Variants in GRIP1 observed in about 807,000 individuals in gnomAD.
The protein encoded by GRIP1 is glutamate receptor-interacting protein 1.
In GRIP1, 45 loss-of-function variants were observed where a neutral mutation model predicts 129.9. The ratio of observed to expected loss-of-function variants is 0.35; its 90% confidence interval spans 0.27 to 0.44. The LOEUF is 0.44. Among genes scored for constraint, GRIP1 ranks in the 20% least tolerant of loss-of-function variants. The pLI, the probability that GRIP1 is intolerant of heterozygous loss-of-function variation, is 1.00. For missense variants in GRIP1, 1,196 were observed against 1,396.8 expected, an observed-to-expected ratio of 0.86 and a Z score of 2.29; for synonymous variants, 530 against 520.8, an observed-to-expected ratio of 1.02 and a Z score of -0.24.
In GRIP1 at chr12:66,348,267, A is replaced by G. The variant is rs889589974; in HGVS notation, c.*752T>C. 1.3e-5 allele frequency: 2 copies of G among 152,098 alleles called. No individual in the cohort carries two copies. Among genetic ancestry groups the G allele is most frequent in the Middle Eastern group, 3.4e-3 (1 of 294 alleles). 9.4% of individuals were successfully genotyped at this position (152,098 alleles called of 1,614,324 possible). On this transcript the variant is annotated 3_prime_UTR_variant, in exon 25 of 25. Coordinates refer to ENST00000359742, the MANE Select transcript of GRIP1 (RefSeq NM_001366722.1). ...TCTTGAATTTTAAAAATAAGATAAT[A>G]TAACTAATTCTCATGTTTACTACAC...
intron 1 of GRIP1, among the ~76,000 whole-genome samples, chr12:66,998,720 C>T (rs1480330864): frequency 3.3e-5 from 5 of 152,130 alleles, no homozygotes; most frequent in Non-Finnish European, 7.4e-5. Context: ...GTCTTCTCTC[C>T]TTACAAGTTA....
At chr12:66,687,471 T>C (rs2034825566) in intron 1 of GRIP1, among the ~76,000 whole-genome samples, 1 of 152,108 alleles carries the variant, frequency 6.6e-6, no homozygotes, top group Non-Finnish European at 1.5e-5. Flanking sequence ...TGTTTCATCT[T>C]GGGTAAAAGT....
intron 16 of GRIP1, among the ~76,000 whole-genome samples, chr12:66,400,776 G>A (rs2056959151): frequency 6.6e-6 from 1 of 152,132 alleles, no homozygotes; most frequent in Admixed American, 6.5e-5. Flanking sequence ...GCCGACTTTT[G>A]AAAACTATAT....
intron 1 of GRIP1, among the ~76,000 whole-genome samples, chr12:66,784,788 C>T (rs1388805520): frequency 6.6e-6 from 1 of 151,886 alleles, no homozygotes; most frequent in Non-Finnish European, 1.5e-5. Flanking sequence ...TACCTCCAAC[C>T]TCCTCTCTGT....
chr12:67,040,602 C>G (rs1246647426), intron 1 of GRIP1, among the ~76,000 whole-genome samples: 1 of 152,130 alleles, frequency 6.6e-6, no homozygotes, highest in African/African-American at 2.4e-5. Flanking sequence ...GAATCCCAGC[C>G]CCACACTTCC....
At chr12:66,460,067 C>T (rs936573079) in intron 9 of GRIP1, among the ~76,000 whole-genome samples, 4 of 152,128 alleles carry the variant, frequency 2.6e-5, no homozygotes, top group Non-Finnish European at 5.9e-5. Context: ...ATTATGACCC[C>T]CATTTTACAG....
intron 2 of GRIP1, among the ~76,000 whole-genome samples, chr12:66,585,037 T>A (rs2063564549): frequency 6.6e-6 from 1 of 152,118 alleles, no homozygotes; most frequent in South Asian, 2.1e-4. Context: ...CCTCTTTTGT[T>A]TTTTTATATT....
intron 1 of GRIP1, among the ~76,000 whole-genome samples, chr12:66,884,959 C>T: frequency 6.6e-6 from 1 of 152,162 alleles, no homozygotes; most frequent in East Asian, 1.9e-4. Flanking sequence ...AGAACTGTTT[C>T]TATAAGGACT....
chr12:66,985,613 G>C (rs957143230), intron 1 of GRIP1, among the ~76,000 whole-genome samples: 1 of 152,132 alleles, frequency 6.6e-6, no homozygotes, highest in African/African-American at 2.4e-5. Context: ...ATTGGGAACA[G>C]TTAGAGAAAT....
At chr12:66,789,082 G>A (rs2038447689) in intron 1 of GRIP1, among the ~76,000 whole-genome samples, 2 of 152,110 alleles carry the variant, frequency 1.3e-5, no homozygotes, top group Non-Finnish European at 2.9e-5. Flanking sequence ...TGCAATTTCA[G>A]TATATTCAAG....
At chr12:66,934,527 C>A (rs1046556560) in intron 1 of GRIP1, among the ~76,000 whole-genome samples, 1 of 152,192 alleles carries the variant, frequency 6.6e-6, no homozygotes, top group African/African-American at 2.4e-5. Flanking sequence ...TGGTTTCACA[C>A]AATGCCCTTC....
intron 1 of GRIP1, among the ~76,000 whole-genome samples, chr12:67,017,713 C>T (rs547943221): frequency 6.6e-6 from 1 of 151,986 alleles, no homozygotes; most frequent in South Asian, 2.1e-4. Flanking sequence ...GAAGCTTCTG[C>T]TTTTGCTCTT....
At chr12:66,392,003 T>C (rs1411633337) in intron 19 of GRIP1, among the ~76,000 whole-genome samples, 1 of 152,174 alleles carries the variant, frequency 6.6e-6, no homozygotes, top group Non-Finnish European at 1.5e-5. Context: ...AACGAGCCAC[T>C]TTATTGTATG....
At chr12:66,433,399 G>A (rs2058208176) in intron 13 of GRIP1, among the ~76,000 whole-genome samples, 1 of 152,158 alleles carries the variant, frequency 6.6e-6, no homozygotes, top group Non-Finnish European at 1.5e-5. Flanking sequence ...TCTGTATAAT[G>A]AGGAGCTTTT....
At chr12:66,948,798 T>C (rs2041710501) in intron 1 of GRIP1, among the ~76,000 whole-genome samples, 1 of 152,228 alleles carries the variant, frequency 6.6e-6, no homozygotes. Flanking sequence ...TTCTTCGATT[T>C]GCATTAGGAA....
intron 1 of GRIP1, among the ~76,000 whole-genome samples, chr12:66,766,160 T>C (rs2037630797): frequency 1.3e-5 from 2 of 152,174 alleles, no homozygotes; most frequent in African/African-American, 2.4e-5. Flanking sequence ...ACTAGCCCCA[T>C]GAAAAGTATA....
chr12:66,856,129 C>A (rs1338057378), intron 1 of GRIP1, among the ~76,000 whole-genome samples: 5 of 151,996 alleles, frequency 3.3e-5, no homozygotes, highest in African/African-American at 1.2e-4. Flanking sequence ...GGAAAGGATT[C>A]CCTATTTAAT....
At chr12:66,374,344 C>T (rs1468249477) in intron 22 of GRIP1, among the ~76,000 whole-genome samples, 1 of 152,076 alleles carries the variant, frequency 6.6e-6, no homozygotes, top group Admixed American at 6.5e-5. Flanking sequence ...CCCGTCACCA[C>T]GCCTGGCTAA....
intron 17 of GRIP1, among the ~76,000 whole-genome samples, chr12:66,393,970 T>C (rs2056693886): frequency 6.6e-6 from 1 of 152,216 alleles, no homozygotes; most frequent in African/African-American, 2.4e-5. Context: ...GGTCAGCTTA[T>C]ACATTTCAGA....
Sources: gnomAD v4.1 joint callset for allele counts (sites outside exome capture counted in the v4.1 genomes callset) on GRCh38, gnomAD v4.1.1 for gene constraint, MANE v1.5 for transcripts, NCBI Gene and HGNC (gene_info 2026-07-23, HGNC 2026-07-21) for gene names.